EYS: variants seen among roughly 807,000 people sequenced by gnomAD.
EYS encodes the protein protein eyes shut homolog.
EYS carries 250 observed loss-of-function variants against 282.1 expected under a neutral mutation model. The ratio of observed to expected loss-of-function variants is 0.89; its 90% CI spans 0.80 to 0.98. The LOEUF (loss-of-function observed/expected upper bound fraction) is 0.98, where lower values mean the gene tolerates loss of function less well. Ranked by LOEUF, EYS falls within the 50% of genes least tolerant of loss-of-function variation. EYS has a pLI of 0.00. For synonymous variants in EYS, 1,355 were observed against 1,282.9 expected (o/e 1.06, Z -1.20); for missense variants, 4,016 against 3,709.0 (o/e 1.08, Z -2.15).
intron 12 of EYS, among the ~76,000 whole-genome samples, chr6:65,069,409 T>G (rs1437260049): frequency 1.3e-5 from 2 of 151,990 alleles, no homozygotes; most frequent in African/African-American, 4.8e-5. Flanking sequence ...CTTCTGCCTT[T>G]CCCTCTACAG....
chr6:64,981,357 G>C (rs1296764645), intron 14 of EYS, among the ~76,000 whole-genome samples: 9 of 151,184 alleles, frequency 6.0e-5, no homozygotes, highest in Non-Finnish European at 1.3e-4. Context: ...AAAAATCAAA[G>C]TTTGTATGAT....
intron 22 of EYS, among the ~76,000 whole-genome samples, chr6:64,770,082 C>T (rs1189600681): frequency 1.3e-5 from 2 of 151,854 alleles, no homozygotes; most frequent in Non-Finnish European, 2.9e-5. Context: ...AATTGCTTGT[C>T]TCTCAATCTT....
chr6:64,132,681 A>C (rs758501904), intron 31 of EYS, among the ~76,000 whole-genome samples: 1 of 151,848 alleles, frequency 6.6e-6, no homozygotes, highest in Non-Finnish European at 1.5e-5. Context: ...CTAAATATAC[A>C]GGACTCTTAA....
At chr6:64,604,553 T>C (rs1006138141) in intron 24 of EYS, among the ~76,000 whole-genome samples, 10 of 152,066 alleles carry the variant, frequency 6.6e-5, no homozygotes, top group African/African-American at 2.4e-4. Context: ...AGTCACTTCT[T>C]CTCTGGTGTC....
intron 33 of EYS, among the ~76,000 whole-genome samples, chr6:64,060,976 T>C (rs1771146812): frequency 6.6e-6 from 1 of 152,292 alleles, no homozygotes; most frequent in South Asian, 2.1e-4. Flanking sequence ...CTGGCAGTAA[T>C]ACAGTTCTTG....
intron 11 of EYS, among the ~76,000 whole-genome samples, chr6:65,316,889 C>T (rs1336009557): frequency 4.6e-5 from 7 of 152,248 alleles, no homozygotes; most frequent in Admixed American, 4.6e-4. Context: ...CTGATGGGCA[C>T]TTGGGTTGGT....
At chr6:64,363,952 C>T (rs1772108617) in intron 29 of EYS, among the ~76,000 whole-genome samples, 1 of 151,806 alleles carries the variant, frequency 6.6e-6, no homozygotes, top group Admixed American at 6.6e-5. Flanking sequence ...CTCCATAAAC[C>T]CCACATTTTT....
intron 39 of EYS, among the ~76,000 whole-genome samples, chr6:63,784,046 T>G (rs752871481): frequency 3.3e-5 from 5 of 152,218 alleles, no homozygotes; most frequent in Non-Finnish European, 5.9e-5. Context: ...ACATTGGTCT[T>G]TTCCAGCCTT....
chr6:64,006,313 AT>A (rs1319086943), intron 33 of EYS, among the ~76,000 whole-genome samples: 1 of 151,746 alleles, frequency 6.6e-6, no homozygotes, highest in Non-Finnish European at 1.5e-5. Flanking sequence ...TTTTATGTGG[AT>A]TTTTTTTATC....
chr6:64,568,962 A>G (rs1205603657), intron 26 of EYS, among the ~76,000 whole-genome samples: 3 of 150,670 alleles, frequency 2.0e-5, no homozygotes, highest in Admixed American at 1.3e-4. Flanking sequence ...GCCCACACAG[A>G]AACCCCATCC....
intron 2 of EYS, among the ~76,000 whole-genome samples, chr6:65,604,287 T>G (rs2149791542): frequency 6.6e-6 from 1 of 152,122 alleles, no homozygotes; most frequent in South Asian, 2.1e-4. Context: ...TTCATTCAAC[T>G]TCCGATCACA....
chr6:63,950,071 G>A (rs1023114319), intron 35 of EYS, among the ~76,000 whole-genome samples: 1 of 151,970 alleles, frequency 6.6e-6, no homozygotes, highest in African/African-American at 2.4e-5. Flanking sequence ...TACTCGGGAG[G>A]CTGAGGCAGA....
intron 5 of EYS, among the ~76,000 whole-genome samples, chr6:65,443,355 T>G (rs1768484722): frequency 6.9e-6 from 1 of 144,382 alleles, no homozygotes; most frequent in African/African-American, 2.4e-5. Context: ...TATAGACATA[T>G]ATGCATACAT....
chr6:63,980,265 AGT>A (rs151319447), intron 35 of EYS, among the ~76,000 whole-genome samples: 8 of 150,246 alleles, frequency 5.3e-5, no homozygotes, highest in African/African-American at 1.7e-4. Context: ...AATGCTCAAG[AGT>A]GTGTGTGTGT....
chr6:64,965,078 T>C (rs1395550151), intron 14 of EYS, among the ~76,000 whole-genome samples: 1 of 152,092 alleles, frequency 6.6e-6, no homozygotes, highest in Non-Finnish European at 1.5e-5. Flanking sequence ...TTTACCCTCA[T>C]GCCCAAGGGT....
intron 22 of EYS, among the ~76,000 whole-genome samples, chr6:64,758,400 G>GTAC: frequency 6.6e-6 from 1 of 152,114 alleles, no homozygotes; most frequent in African/African-American, 2.4e-5. Context: ...CACTACTGGG[G>GTAC]TACTACTGCT....
At chr6:64,906,897 G>T (rs1280034656) in intron 16 of EYS, among the ~76,000 whole-genome samples, 2 of 152,076 alleles carry the variant, frequency 1.3e-5, no homozygotes, top group East Asian at 1.9e-4. Context: ...CATTAGAAAA[G>T]AAATTATTTA....
In EYS at chr6:64,938,776, C is replaced by T. The variant is rs532840815; in HGVS notation, c.2381+7017G>A. 5.9e-5 allele frequency among the ~76,000 whole-genome samples: 9 copies of T among 151,756 alleles called. No homozygotes were observed. In the South Asian group the frequency reaches 8.3e-4, roughly 14 times the overall value. On this transcript the variant is annotated intron_variant, in intron 15 of 42. Transcript: ENST00000503581. ...TAAGTATATTAAATACTTACAAGTA[C>T]ATTTCCAACTTACAATTTTTGTCAA...
At chr6:64,345,697 A>C (rs1180862696) in intron 29 of EYS, among the ~76,000 whole-genome samples, 3 of 152,122 alleles carry the variant, frequency 2.0e-5, no homozygotes, top group Non-Finnish European at 4.4e-5. Context: ...CAAAAGTGAC[A>C]AATGGGATCT....
Sources: gnomAD v4.1 joint callset for allele counts (sites outside exome capture counted in the v4.1 genomes callset) on GRCh38, gnomAD v4.1.1 for gene constraint, MANE v1.5 for transcripts, NCBI Gene and HGNC (gene_info 2026-07-23, HGNC 2026-07-21) for gene names.